The following PPP3CA variants were observed in gnomAD, a reference collection of about 807,000 sequenced individuals.
PPP3CA encodes protein phosphatase 3 catalytic subunit alpha.
A neutral mutation model predicts 66.5 loss-of-function variants in PPP3CA; 14 were observed. The observed-to-expected ratio is 0.21, with a 90% CI of 0.14 to 0.33. The LOEUF (loss-of-function observed/expected upper bound fraction) is 0.33. PPP3CA is among the 10% of genes least tolerant of loss of function. The pLI is 1.00. For missense variants in PPP3CA, 317 were observed against 639.5 expected (o/e 0.50, Z 5.44); for synonymous variants, 232 against 226.2 (o/e 1.03, Z -0.23).
In PPP3CA at chr4:101,170,336, G is replaced by A. The variant is rs141264036; in HGVS notation, c.259+25580C>T. On this transcript the variant is annotated intron_variant, in intron 2 of 13. Coordinates refer to ENST00000394854, the MANE Select transcript of PPP3CA (RefSeq NM_000944.5). ...TAGAGATCCAATGGCAGAATATACT[G>A]CAAAGTACCTGAGATGTTAGGCTTT... Among the ~76,000 whole-genome samples, 593 of 152,056 alleles carry A rather than the reference G, an allele frequency of 3.9e-3. 5 individuals are homozygous for A. Among genetic ancestry groups the A allele is most frequent in the African/African-American group, 0.014 (562 of 41,476 alleles).
At chr4:101,032,940 T>C (rs987472527) in intron 11 of PPP3CA, among the ~76,000 whole-genome samples, 3 of 152,180 alleles carry the variant, frequency 2.0e-5, no homozygotes, top group Non-Finnish European at 4.4e-5. Context: ...ATAAACCTAC[T>C]GGTAAAATTT....
At chr4:101,333,281 T>TG (rs1729501119) in intron 1 of PPP3CA, among the ~76,000 whole-genome samples, 1 of 71,942 alleles carries the variant, frequency 1.4e-5, no homozygotes, top group South Asian at 4.7e-4. Flanking sequence ...TTTTTTTTTT[T>TG]TTTTTTTTTT....
Position 101,250,883 on chromosome 4 carries a change from G to A in PPP3CA, c.59-54767C>T, listed in dbSNP as rs113591621. ...TAAAAAATTTTAAAGACAAATAAAC[G>A]ATCTCAACTGTGATTACCAAGGGGC... On this transcript the variant is annotated intron_variant, in intron 1 of 13. Coordinates refer to ENST00000394854, the MANE Select transcript of PPP3CA (RefSeq NM_000944.5). 8.2e-3 allele frequency among the ~76,000 whole-genome samples: 1,241 copies of A among 152,032 alleles called. 13 individuals carry two copies. Among genetic ancestry groups the A allele is most frequent in the African/African-American group, 0.028 (1,173 of 41,506 alleles).
At position 101,285,194 on chromosome 4, in the gene PPP3CA, T is replaced by C. The variant is rs537129698; in HGVS notation, c.58+61545A>G. On this transcript the variant is annotated intron_variant, in intron 1 of 13. Coordinates refer to ENST00000394854, the MANE Select transcript of PPP3CA (RefSeq NM_000944.5). Reference sequence around the variant, plus strand: ...ATTTTACAGGTTTCTTTCAGGTAAATATAGAATTCAAAATTCATGCAATAT... The same window carrying C: ...ATTTTACAGGTTTCTTTCAGGTAAACATAGAATTCAAAATTCATGCAATAT... 1.3e-3 allele frequency among the ~76,000 whole-genome samples: 203 copies of C among 152,224 alleles called. 1 individual carries two copies. Among genetic ancestry groups the C allele is most frequent in the Non-Finnish European group, 2.6e-3 (178 of 68,018 alleles).
At chr4:101,028,188 A>G (rs930864547) in intron 13 of PPP3CA, among the ~76,000 whole-genome samples, 9 of 152,218 alleles carry the variant, frequency 5.9e-5, no homozygotes, top group African/African-American at 2.2e-4. Context: ...TGAGAAAAAC[A>G]AAAAAGTTAC....
intron 1 of PPP3CA, among the ~76,000 whole-genome samples, chr4:101,293,444 A>G (rs1013154061): frequency 1.3e-5 from 2 of 152,236 alleles, no homozygotes; most frequent in African/African-American, 4.8e-5. Context: ...CTTGTAAGAA[A>G]GGAAGAAATA....
chr4:101,147,603 G>A (rs923476015), intron 2 of PPP3CA, among the ~76,000 whole-genome samples: 2 of 152,054 alleles, frequency 1.3e-5, no homozygotes, highest in Non-Finnish European at 2.9e-5. Flanking sequence ...AACCAATCTG[G>A]ATTCTCTCCA....
intron 2 of PPP3CA, among the ~76,000 whole-genome samples, chr4:101,140,036 C>T (rs2110290569): frequency 6.6e-6 from 1 of 152,184 alleles, no homozygotes; most frequent in Middle Eastern, 3.4e-3. Flanking sequence ...ACTAATTCTG[C>T]ATAGCACTTT....
At chr4:101,071,519 A>T (rs952069688) in intron 8 of PPP3CA, among the ~76,000 whole-genome samples, 2 of 152,202 alleles carry the variant, frequency 1.3e-5, no homozygotes, top group African/African-American at 4.8e-5. Context: ...TTTATAGAGA[A>T]TGAGATTTCT....
intron 1 of PPP3CA, 54 bp from the exon 2 acceptor site, chr4:101,196,170 T>A (rs1724785133): frequency 6.6e-7 from 1 of 1,504,876 alleles, no homozygotes; most frequent in East Asian, 2.3e-5. Context: ...CAACAAACAA[T>A]GCAATAATAA....
rs145503633 is a variant in PPP3CA, at chr4:101,211,944, C to T, written c.59-15828G>A. On this transcript the variant is annotated intron_variant, in intron 1 of 13. Transcript: ENST00000394854. ...TGTCCTTGAGAAAATTTTTAAGAAA[C>T]CAGTTTCATCACCTGTAGAATGGAG... Among the ~76,000 whole-genome samples, 949 of 152,174 alleles carry T rather than the reference C, an allele frequency of 6.2e-3. 5 individuals are homozygous for T. Among genetic ancestry groups the T allele is most frequent in the Non-Finnish European group, 0.01 (705 of 68,006 alleles).
intron 8 of PPP3CA, among the ~76,000 whole-genome samples, chr4:101,079,556 T>A (rs1729346677): frequency 2.0e-5 from 3 of 151,970 alleles, no homozygotes; most frequent in South Asian, 2.1e-4. Flanking sequence ...TTTTTTGTGT[T>A]TTTTTTAGTA....
chr4:101,026,893 GA>G (rs531567174), intron 13 of PPP3CA, among the ~76,000 whole-genome samples: 185 of 152,108 alleles, frequency 1.2e-3, no homozygotes, highest in African/African-American at 4.2e-3. Context: ...TAATAACAAG[GA>G]AAAAAATGCC....
chr4:101,303,984 T>C (rs1229859038), intron 1 of PPP3CA, among the ~76,000 whole-genome samples: 1 of 152,204 alleles, frequency 6.6e-6, no homozygotes, highest in African/African-American at 2.4e-5. Flanking sequence ...TCCATTAATG[T>C]GCTGACGCCC....
chr4:101,102,565 C>G (rs564275896), intron 3 of PPP3CA, among the ~76,000 whole-genome samples: 2 of 152,262 alleles, frequency 1.3e-5, no homozygotes, highest in South Asian at 4.1e-4. Context: ...TGCCAGCATT[C>G]TCCCTCAACA....
At chr4:101,324,146 A>AGGG (rs1729127975) in intron 1 of PPP3CA, among the ~76,000 whole-genome samples, 2 of 113,602 alleles carry the variant, frequency 1.8e-5, no homozygotes, top group African/African-American at 8.6e-5. Context: ...GAAGGGAAGG[A>AGGG]AGGGAGGGAG....
intron 1 of PPP3CA, among the ~76,000 whole-genome samples, chr4:101,207,431 C>T (rs1045483478): frequency 8.5e-5 from 13 of 152,170 alleles, no homozygotes; most frequent in Non-Finnish European, 1.0e-4. Flanking sequence ...CCTCCTTTTC[C>T]CTTCTTTTTA....
intron 1 of PPP3CA, among the ~76,000 whole-genome samples, chr4:101,320,623 T>G (rs1182037185): frequency 6.6e-6 from 1 of 152,104 alleles, no homozygotes; most frequent in Non-Finnish European, 1.5e-5. Flanking sequence ...AAAGAAACAA[T>G]GCTTCTGGCT....
chr4:101,037,502 T>A (rs1293948121), intron 11 of PPP3CA, among the ~76,000 whole-genome samples: 1 of 152,208 alleles, frequency 6.6e-6, no homozygotes, highest in East Asian at 1.9e-4. Context: ...AAATTCCTTG[T>A]ATTTGTCCTT....
Sources: gnomAD v4.1 joint callset for allele counts (sites outside exome capture counted in the v4.1 genomes callset) on GRCh38, gnomAD v4.1.1 for gene constraint, MANE v1.5 for transcripts, NCBI Gene and HGNC (gene_info 2026-07-23, HGNC 2026-07-21) for gene names.